AREG: variants seen among roughly 807,000 people sequenced by gnomAD.
AREG encodes the protein amphiregulin B.
Under a neutral mutation model 28.0 loss-of-function variants are expected in AREG, and 16 were observed. That is an observed-to-expected ratio of 0.57 (90% CI 0.39 to 0.87). The LOEUF is 0.87. AREG is among the 40% of genes least tolerant of loss of function. The probability of loss-of-function intolerance (pLI) is 0.00; values close to 1 mark genes in which losing one functional copy is unlikely to be tolerated. For synonymous variants in AREG, 113 were observed against 113.5 expected (o/e 1.00, Z 0.02); for missense variants, 287 against 309.1 (o/e 0.93, Z 0.53).
At chr4:74,453,391 A>G (rs1719411440) in intron 5 of AREG, among the ~76,000 whole-genome samples, 2 of 152,318 alleles carry the variant, frequency 1.3e-5, no homozygotes, top group South Asian at 2.1e-4. Flanking sequence ...GTAAAGAGAG[A>G]GAACTGAGCA....
intron 3 of AREG, among the ~76,000 whole-genome samples, chr4:74,449,933 T>TC (rs1491587413): frequency 2.7e-5 from 4 of 150,584 alleles, no homozygotes; most frequent in African/African-American, 7.3e-5. Flanking sequence ...TCTCTCTCTC[T>TC]TTCTTTCTAT....
chr4:74,449,292 A>G, intron 3 of AREG, 44 bp downstream of exon 3: 2 of 1,612,900 alleles, frequency 1.2e-6, no homozygotes, highest in Non-Finnish European at 1.7e-6. Context: ...TTCTAGCACC[A>G]TGTCTGAAAC....
In AREG at chr4:74,449,049, G is replaced by C. The variant is rs1234197972; in HGVS notation, c.313G>C (p.Glu105Gln). The C allele has an allele frequency of 1.2e-6, 2 of 1,607,466 alleles. No homozygotes were observed. The highest frequency in any genetic ancestry group is 2.7e-5 in the African/African-American group (2 of 72,888). Residue 105 changes from glutamate (E) to glutamine (Q), a missense_variant and splice_region_variant, in exon 3 of 6, where the codon GAA becomes CAA. By Grantham distance (29) the Glu-to-Gln change is conservative. Coordinates refer to ENST00000395748, the MANE Select transcript of AREG (RefSeq NM_001657.4). ...TCAATAAATCTTTTCTTTTTTAGTT[G>C]AACAGGTAGTTAAGCCCCCCCAAAA... ...GYIVDDSVRVEQVVKPPQNKT... is the reference protein window; with the variant it reads ...GYIVDDSVRVQQVVKPPQNKT...
Position 74,452,455 on chromosome 4 carries a change from A to G in AREG, c.666-89A>G, listed in dbSNP as rs1379683270. On this transcript the variant is annotated intron_variant, in intron 4 of 5. Transcript: ENST00000395748. Reference sequence around the variant, plus strand: ...GATTGCTGGTCTATCACTACTCATGAAGTGGAACCCCCTCTACTCATAAAA... The same window carrying G: ...GATTGCTGGTCTATCACTACTCATGGAGTGGAACCCCCTCTACTCATAAAA... The G allele has an allele frequency of 4.7e-6, 7 of 1,484,776 alleles. No homozygotes were observed. The African/African-American group carries it at 5.5e-5, about 12-fold the overall frequency. 92.0% of individuals were successfully genotyped at this position (1,484,776 alleles called of 1,614,324 possible).
intron 1 of AREG, among the ~76,000 whole-genome samples, chr4:74,446,301 A>T (rs1001679242): frequency 1.4e-4 from 21 of 152,330 alleles, no homozygotes; most frequent in Admixed American, 3.9e-4. Flanking sequence ...ATTAATGTGG[A>T]TTATCTGTGG....
chr4:74,455,003 A>G lies in AREG; in HGVS notation c.*263A>G. ...TACAGCTCATTAAACTTTTTTAACC[A>G]AACAGATTGAGAGTTTGAATATTAG... On this transcript the variant is annotated 3_prime_UTR_variant, in exon 6 of 6. Coordinates refer to ENST00000395748, the MANE Select transcript of AREG (RefSeq NM_001657.4). 1 of 569,094 alleles carries G rather than the reference A, an allele frequency of 1.8e-6. No individual in the cohort carries two copies. The highest frequency in any genetic ancestry group is 3.1e-6 in the Non-Finnish European group (1 of 324,638). 35.3% of individuals were successfully genotyped at this position (569,094 alleles called of 1,614,324 possible).
intron 2 of AREG, 72 bp from the exon 3 acceptor site, chr4:74,448,975 A>G: frequency 4.4e-6 from 7 of 1,592,024 alleles, no homozygotes; most frequent in Admixed American, 1.8e-5. Context: ...CTGCTATGAC[A>G]TCTTTCTCTC....
chr4:74,446,179 C>CA (rs1719282844), intron 1 of AREG, among the ~76,000 whole-genome samples: 1 of 151,904 alleles, frequency 6.6e-6, no homozygotes, highest in African/African-American at 2.4e-5. Context: ...GGCATTCTAG[C>CA]AAAAAAAGAA....
intron 2 of AREG, among the ~76,000 whole-genome samples, chr4:74,447,677 G>A (rs1365852630): frequency 1.3e-5 from 2 of 152,174 alleles, no homozygotes; most frequent in Non-Finnish European, 2.9e-5. Context: ...GCTGTTGAAG[G>A]CCTTTTCTGT....
Position 74,454,767 on chromosome 4 carries a change from A to G in AREG, c.*27A>G, listed in dbSNP as rs1185481740. The G allele has an allele frequency of 1.0e-5, 7 of 697,710 alleles. No individual in the cohort carries two copies. The highest frequency in any genetic ancestry group is 7.5e-5 in the South Asian group (5 of 66,778). 43.2% of individuals were successfully genotyped at this position (697,710 alleles called of 1,614,324 possible). ...ATTTTATTTTCTCACAGGATATCAC[A>G]TTGGAGTCACTGCCAAGTCATAGCC... is the stretch of plus-strand genomic sequence containing the variant. On this transcript the variant is annotated 3_prime_UTR_variant, in exon 6 of 6. Coordinates refer to ENST00000395748, the MANE Select transcript of AREG (RefSeq NM_001657.4).
intron 5 of AREG, 31 bp from the exon 6 acceptor site, chr4:74,454,728 T>G: frequency 1.5e-6 from 1 of 664,772 alleles, no homozygotes; most frequent in Non-Finnish European, 2.7e-6. Flanking sequence ...TGTTTTATTT[T>G]ATTATTTTAT....
Position 74,446,560 on chromosome 4 carries a change from A to C in AREG, c.88A>C (p.Asn30His), listed in dbSNP as rs1046010760. The change falls in exon 2 of 6, where the codon AAT (asparagine) becomes CAT (histidine). Residue 30 changes from asparagine to histidine, a missense_variant. Physicochemically the swap from Asn to His is moderately conservative, Grantham distance 68. Coordinates refer to ENST00000395748, the MANE Select transcript of AREG (RefSeq NM_001657.4). Reference sequence around the variant, plus strand: ...CCATTATGCTGCTGGATTGGACCTCAATGACACCTACTCTGGGAAGCGTGA... The same window carrying C: ...CCATTATGCTGCTGGATTGGACCTCCATGACACCTACTCTGGGAAGCGTGA... ...SGHYAAGLDL[N>H]DTYSGKREPF... 3.2e-5 allele frequency: 52 copies of C among 1,613,896 alleles called. No homozygotes were observed. The highest frequency in any genetic ancestry group is 4.3e-5 in the Non-Finnish European group (51 of 1,179,848).
Position 74,445,436 on chromosome 4 carries a change from G to A in AREG, c.61+30G>A, listed in dbSNP as rs1205306594. 1.0e-5 allele frequency: 16 copies of A among 1,598,356 alleles called. No individual in the cohort carries two copies. In the East Asian group the frequency reaches 1.1e-4, roughly 11 times the overall value. On this transcript the variant is annotated intron_variant, in intron 1 of 5. Transcript: ENST00000395748. ...GGATTCACCGGCGCTGAACTGCTGG[G>A]CTCTCCTCCCATGGCAGGTTTTGCC...
intron 1 of AREG, among the ~76,000 whole-genome samples, chr4:74,445,648 A>C (rs1368194228): frequency 4.6e-5 from 7 of 152,178 alleles, no homozygotes; most frequent in Non-Finnish European, 7.3e-5. Context: ...AAGACGGGAG[A>C]GATCATTTGA....
At chr4:74,448,882 A>T in intron 2 of AREG, 165 bp from the exon 3 acceptor site, 2 of 1,000,768 alleles carry the variant, frequency 2.0e-6, no homozygotes, top group Non-Finnish European at 2.8e-6. Flanking sequence ...GAAAATTATA[A>T]ATTAGGGTTA....
In AREG at chr4:74,445,369, G is replaced by A; in HGVS notation, c.24G>A (p.Pro8=). 6.2e-7 allele frequency: 1 copy of A among 1,610,774 alleles called. No homozygotes were observed. The highest frequency in any genetic ancestry group is 8.5e-7 in the Non-Finnish European group (1 of 1,179,380). The change falls in exon 1 of 6, where the codon CCG becomes CCA. Residue 8 remains proline (P), a synonymous_variant. Transcript: ENST00000395748. MRAPLLP[P]APVVLSLLIL... ...CAATGAGAGCCCCGCTGCTACCGCC[G>A]GCGCCGGTGGTGCTGTCGCTCTTGA...
chr4:74,450,369 A>C lies in AREG; in HGVS notation c.513-11A>C. ...TTGTGATTATAATTTTTAAATGTGAATTGCTTGCAGATGTCAGCAAGAATA... is the reference window on the plus strand; with the variant it reads ...TTGTGATTATAATTTTTAAATGTGACTTGCTTGCAGATGTCAGCAAGAATA... On this transcript the variant is annotated splice_polypyrimidine_tract_variant and intron_variant, in intron 3 of 5. Coordinates refer to ENST00000395748, the MANE Select transcript of AREG (RefSeq NM_001657.4). The C allele has an allele frequency of 6.2e-7, 1 of 1,613,958 alleles. No homozygotes were observed. The highest frequency in any genetic ancestry group is 8.5e-7 in the Non-Finnish European group (1 of 1,179,840).
chr4:74,453,826 C>G (rs2110413565), intron 5 of AREG, among the ~76,000 whole-genome samples: 1 of 151,422 alleles, frequency 6.6e-6, no homozygotes, highest in Middle Eastern at 3.4e-3. Flanking sequence ...GAGGCTGAGG[C>G]AGTAGAATTG....
At chr4:74,448,045 T>G (rs1719319992) in intron 2 of AREG, among the ~76,000 whole-genome samples, 1 of 152,250 alleles carries the variant, frequency 6.6e-6, no homozygotes, top group African/African-American at 2.4e-5. Flanking sequence ...GTGAAAATGT[T>G]GGCTGAACAC....
Sources: gnomAD v4.1 joint callset for allele counts (sites outside exome capture counted in the v4.1 genomes callset) on GRCh38, gnomAD v4.1.1 for gene constraint, MANE v1.5 for transcripts, NCBI Gene and HGNC (gene_info 2026-07-23, HGNC 2026-07-21) for gene names.